The following RHEX variants were observed in gnomAD, a reference collection of about 807,000 sequenced individuals.
RHEX encodes the protein regulator of hemoglobinization and erythroid cell expansion protein.
Under a neutral mutation model 20.1 loss-of-function variants are expected in RHEX, and 18 were observed. The observed-to-expected ratio is 0.90, with a 90% CI of 0.62 to 1.33. The LOEUF is 1.33. Among genes scored for constraint, RHEX ranks in the 40% most tolerant of loss-of-function variants. RHEX has a pLI of 0.00. For synonymous variants in RHEX, 87 were observed against 77.1 expected (o/e 1.13, Z -0.67); for missense variants, 192 against 214.3 (o/e 0.90, Z 0.65).
At chr1:206,080,799 G>A (rs1173608294) in intron 1 of RHEX, among the ~76,000 whole-genome samples, 1 of 152,112 alleles carries the variant, frequency 6.6e-6, no homozygotes, top group Non-Finnish European at 1.5e-5. Context: ...CTGAGCAGGA[G>A]CAGGCAAAGT....
At chr1:206,070,897 A>G (rs1366203264) in intron 1 of RHEX, among the ~76,000 whole-genome samples, 1 of 152,120 alleles carries the variant, frequency 6.6e-6, no homozygotes, top group East Asian at 1.9e-4. Context: ...AGGCTTTCTC[A>G]CCTGTAAAAT....
At chr1:206,101,692 T>A in intron 5 of RHEX, 60 bp from the exon 6 acceptor site, 1 of 1,294,810 alleles carries the variant, frequency 7.7e-7, no homozygotes, top group Non-Finnish European at 1.1e-6. Flanking sequence ...AGTCCTGGGG[T>A]CTTATTTCCC....
chr1:206,056,081 G>A (rs953010261), intron 1 of RHEX, among the ~76,000 whole-genome samples: 9 of 152,216 alleles, frequency 5.9e-5, no homozygotes, highest in Admixed American at 1.3e-4. Flanking sequence ...GAACATCCCC[G>A]CATAACCATT....
intron 1 of RHEX, chr1:206,061,853 C>T (rs1232143859): frequency 6.6e-6 from 1 of 151,990 alleles, no homozygotes; most frequent in Non-Finnish European, 1.5e-5. Flanking sequence ...GAGTGGGGGT[C>T]AGACCTGGCC....
At position 206,067,639 on chromosome 1, in the gene RHEX, C is replaced by G. The variant is rs1296753207; in HGVS notation, c.-97+14374C>G. Among the ~76,000 whole-genome samples the G allele has an allele frequency of 4.6e-5, 7 of 152,258 alleles. No homozygotes were observed. Among genetic ancestry groups the G allele is most frequent in the Admixed American group, 4.6e-4 (7 of 15,302 alleles). On this transcript the variant is annotated intron_variant, in intron 1 of 5. Transcript: ENST00000331555. This position sits in a 1 kb window ranked among gnomAD's most constrained non-coding sequence, Gnocchi z 4.6. ...CAGCTCATCACTGACAACCCACTGG[C>G]AGGACATCCTGTTCCCAAATACCTC...
intron 1 of RHEX, among the ~76,000 whole-genome samples, chr1:206,093,697 C>T (rs1553287333): frequency 2.0e-5 from 3 of 151,830 alleles, no homozygotes; most frequent in Non-Finnish European, 4.4e-5. Context: ...TTATTCTCCC[C>T]CTGATATTAC....
At chr1:206,062,702 T>C (rs1389817715) in intron 1 of RHEX, among the ~76,000 whole-genome samples, 1 of 151,796 alleles carries the variant, frequency 6.6e-6, no homozygotes, top group Non-Finnish European at 1.5e-5. Flanking sequence ...CCAGGAAGCA[T>C]GGGGGCCACC....
chr1:206,078,867 GGACTGCACCCTAAGCCATGACATGTT>G (rs1168373697), intron 1 of RHEX, among the ~76,000 whole-genome samples: 1 of 152,186 alleles, frequency 6.6e-6, no homozygotes, highest in Non-Finnish European at 1.5e-5. Context: ...TAGACCCGCT[GGACTGCACCCTAAGCCATGACATGTT>G]GACTGTGCAA....
At chr1:206,088,260 A>G (rs1662876742) in intron 1 of RHEX, among the ~76,000 whole-genome samples, 2 of 152,258 alleles carry the variant, frequency 1.3e-5, no homozygotes, top group South Asian at 4.1e-4. Flanking sequence ...TGGTTTTGTT[A>G]ACACTTACAT....
At chr1:206,096,403 T>A (rs78685465) in intron 1 of RHEX, among the ~76,000 whole-genome samples, 269 of 152,380 alleles carry the variant, frequency 1.8e-3, no homozygotes, top group Non-Finnish European at 3.1e-3. Flanking sequence ...TGGAACATTG[T>A]TGTTTTCTCA....
At chr1:206,056,623 G>T (rs1357440644) in intron 1 of RHEX, among the ~76,000 whole-genome samples, 2 of 152,222 alleles carry the variant, frequency 1.3e-5, no homozygotes, top group Non-Finnish European at 2.9e-5. Flanking sequence ...AGCCTCCCAT[G>T]ATCACAGTTT....
intron 1 of RHEX, among the ~76,000 whole-genome samples, chr1:206,068,945 A>G (rs1007137973): frequency 6.6e-6 from 1 of 152,218 alleles, no homozygotes; most frequent in African/African-American, 2.4e-5. Context: ...CCCATGACCA[A>G]ACTAACTCTG....
chr1:206,083,719 G>A (rs1327646848), intron 1 of RHEX: 22 of 837,588 alleles, frequency 2.6e-5, no homozygotes, highest in East Asian at 1.2e-4. Flanking sequence ...GAGCATATAT[G>A]TGTAGAAGTT....
chr1:206,072,074 A>G (rs996555266), intron 1 of RHEX, among the ~76,000 whole-genome samples: 9 of 152,148 alleles, frequency 5.9e-5, no homozygotes, highest in Non-Finnish European at 1.2e-4. Context: ...ATAAACAGGA[A>G]CGCAACAAAT....
chr1:206,059,571 G>T (rs782632894), intron 1 of RHEX, among the ~76,000 whole-genome samples: 4 of 152,242 alleles, frequency 2.6e-5, no homozygotes, highest in South Asian at 4.1e-4. Flanking sequence ...GAATCATGCA[G>T]CTTCACTTTA....
intron 1 of RHEX, among the ~76,000 whole-genome samples, chr1:206,075,294 A>C (rs1553285110): frequency 6.6e-6 from 1 of 152,210 alleles, no homozygotes; most frequent in Non-Finnish European, 1.5e-5. Flanking sequence ...AGTTAATGAA[A>C]AATAGAAAAA....
At chr1:206,076,451 C>A (rs1235336443) in intron 1 of RHEX, among the ~76,000 whole-genome samples, 1 of 152,238 alleles carries the variant, frequency 6.6e-6, no homozygotes, top group Non-Finnish European at 1.5e-5. Context: ...CAGGCATAAG[C>A]CACTGCACCC....
chr1:206,079,713 G>A (rs539138644), intron 1 of RHEX, among the ~76,000 whole-genome samples: 2 of 152,224 alleles, frequency 1.3e-5, no homozygotes, highest in Admixed American at 6.5e-5. Flanking sequence ...GTGCTACCAC[G>A]CCGGGCTAAT....
chr1:206,093,090 C>T (rs1159166394), intron 1 of RHEX, among the ~76,000 whole-genome samples: 8 of 152,134 alleles, frequency 5.3e-5, no homozygotes, highest in Admixed American at 4.6e-4. Flanking sequence ...GCCCTAGCTC[C>T]CTTCTTTCCC....
Sources: allele counts gnomAD v4.1 joint callset (sites outside exome capture counted in the v4.1 genomes callset), GRCh38; gene constraint gnomAD v4.1.1; non-coding constraint Gnocchi (gnomAD v3.1); transcripts MANE v1.5; gene names NCBI Gene and HGNC (gene_info 2026-07-23, HGNC 2026-07-21).